CCDC148: variants seen among roughly 807,000 people sequenced by gnomAD.
The protein encoded by CCDC148 is coiled-coil domain-containing protein 148.
CCDC148 carries 89 observed loss-of-function variants against 85.7 expected under a neutral mutation model. That is an observed-to-expected ratio of 1.04 (90% CI 0.87 to 1.24). The LOEUF is 1.24. CCDC148 is among the 50% of genes most tolerant of loss of function. CCDC148 has a pLI of 0.00. For missense variants in CCDC148, 692 were observed against 671.7 expected, an observed-to-expected ratio of 1.03 and a Z score of -0.33; for synonymous variants, 230 against 213.9, an observed-to-expected ratio of 1.08 and a Z score of -0.66.
chr2:158,283,095 G>C (rs1690417862), intron 9 of CCDC148, among the ~76,000 whole-genome samples: 1 of 152,126 alleles, frequency 6.6e-6, no homozygotes, highest in Non-Finnish European at 1.5e-5. Context: ...GCTGAAACCG[G>C]ATCCCTTCCT....
At chr2:158,271,410 A>T (rs1427302174) in intron 9 of CCDC148, among the ~76,000 whole-genome samples, 1 of 152,182 alleles carries the variant, frequency 6.6e-6, no homozygotes, top group Non-Finnish European at 1.5e-5. Flanking sequence ...TGCTGTTCTG[A>T]GTAGTGCGAT....
At chr2:158,278,256 G>C (rs1172384462) in intron 9 of CCDC148, among the ~76,000 whole-genome samples, 2 of 152,086 alleles carry the variant, frequency 1.3e-5, no homozygotes, top group Non-Finnish European at 2.9e-5. Context: ...TCTCACTAGG[G>C]AGTGCCAGAC....
intron 7 of CCDC148, among the ~76,000 whole-genome samples, chr2:158,323,642 T>C (rs1277675387): frequency 6.6e-6 from 1 of 152,142 alleles, no homozygotes; most frequent in Non-Finnish European, 1.5e-5. Flanking sequence ...AGAGATGTAA[T>C]CTTGCCCAAC....
chr2:158,335,199 G>A (rs1682306354), intron 7 of CCDC148, among the ~76,000 whole-genome samples: 1 of 152,144 alleles, frequency 6.6e-6, no homozygotes. Flanking sequence ...ACTGCCAGCA[G>A]TAACGTCAGC....
intron 7 of CCDC148, among the ~76,000 whole-genome samples, chr2:158,327,220 C>A (rs548364802): frequency 8.9e-4 from 136 of 152,202 alleles, no homozygotes; most frequent in African/African-American, 3.3e-3. Flanking sequence ...GGAAGTCCTG[C>A]TGATCTGCTC....
intron 7 of CCDC148, among the ~76,000 whole-genome samples, chr2:158,323,919 CTTT>C (rs777356867): frequency 0.016 from 1,300 of 82,818 alleles, 3 homozygotes; most frequent in African/African-American, 0.02. Context: ...CTGGGAATAA[CTTT>C]TTTTTTTTTT....
At chr2:158,285,410 G>A (rs1245715513) in intron 9 of CCDC148, among the ~76,000 whole-genome samples, 1 of 151,508 alleles carries the variant, frequency 6.6e-6, no homozygotes, top group Non-Finnish European at 1.5e-5. Context: ...ATATGAAATA[G>A]GAAATAGAAA....
At chr2:158,346,337 T>C (rs2105250264) in intron 2 of CCDC148, among the ~76,000 whole-genome samples, 1 of 152,342 alleles carries the variant, frequency 6.6e-6, no homozygotes, top group African/African-American at 2.4e-5. Context: ...ATTTGCATTG[T>C]GTCCATTGCC....
chr2:158,317,310 AT>A (rs1692326590), intron 7 of CCDC148, among the ~76,000 whole-genome samples: 1 of 152,200 alleles, frequency 6.6e-6, no homozygotes, highest in Admixed American at 6.5e-5. Context: ...GTTCATCTTT[AT>A]CGTAGCCTGC....
chr2:158,216,386 C>CCT (rs1349261377), intron 11 of CCDC148, among the ~76,000 whole-genome samples: 88 of 59,436 alleles, frequency 1.5e-3, no homozygotes, highest in South Asian at 2.3e-3. Flanking sequence ...AAGCACAATA[C>CCT]TTTTTTTTTT....
chr2:158,423,655 G>T (rs1686920630), intron 1 of CCDC148, among the ~76,000 whole-genome samples: 1 of 152,036 alleles, frequency 6.6e-6, no homozygotes, highest in Non-Finnish European at 1.5e-5. Flanking sequence ...CATAGGCATG[G>T]GCAAAGACTT....
At chr2:158,278,679 G>A (rs1197874216) in intron 9 of CCDC148, among the ~76,000 whole-genome samples, 1 of 152,276 alleles carries the variant, frequency 6.6e-6, no homozygotes, top group Non-Finnish European at 1.5e-5. Context: ...TGCCTCTGTA[G>A]GCTCCGCCTC....
At chr2:158,286,384 T>C (rs1196392204) in intron 9 of CCDC148, among the ~76,000 whole-genome samples, 3 of 152,218 alleles carry the variant, frequency 2.0e-5, no homozygotes, top group African/African-American at 7.2e-5. Flanking sequence ...AAGACCTCAG[T>C]AAGTGAAAAT....
intron 1 of CCDC148, among the ~76,000 whole-genome samples, chr2:158,438,207 T>C (rs1347941100): frequency 6.6e-6 from 1 of 151,990 alleles, no homozygotes. Flanking sequence ...AGGCATCATG[T>C]TACCTGACTT....
At chr2:158,203,127 G>T (rs1377548035) in intron 11 of CCDC148, among the ~76,000 whole-genome samples, 1 of 152,180 alleles carries the variant, frequency 6.6e-6, no homozygotes, top group African/African-American at 2.4e-5. Context: ...TGGTCTGTTA[G>T]TCCAGCATCT....
intron 11 of CCDC148, among the ~76,000 whole-genome samples, chr2:158,201,894 T>C (rs1249854441): frequency 1.3e-5 from 2 of 152,230 alleles, no homozygotes; most frequent in East Asian, 3.8e-4. Context: ...CGTGGTTAAG[T>C]ACGTAATTGT....
intron 9 of CCDC148, among the ~76,000 whole-genome samples, chr2:158,274,335 A>G (rs1419424466): frequency 1.3e-5 from 2 of 151,118 alleles, no homozygotes; most frequent in Admixed American, 6.7e-5. Context: ...GAATTTTTCC[A>G]TTTTAGAAAA....
chr2:158,452,340 T>C (rs796833068), intron 1 of CCDC148, among the ~76,000 whole-genome samples: 3 of 152,222 alleles, frequency 2.0e-5, no homozygotes, highest in South Asian at 4.1e-4. Context: ...AGGTGTGTTA[T>C]ATGCATAAGC....
chr2:158,323,976 T>G (rs1253805387), intron 7 of CCDC148, among the ~76,000 whole-genome samples: 1 of 138,178 alleles, frequency 7.2e-6, no homozygotes, highest in East Asian at 2.2e-4. Flanking sequence ...TTGCCCAGAC[T>G]GGAGTGCCGT....
Sources: allele counts gnomAD v4.1 joint callset (sites outside exome capture counted in the v4.1 genomes callset), GRCh38; gene constraint gnomAD v4.1.1; transcripts MANE v1.5; gene names NCBI Gene and HGNC (gene_info 2026-07-23, HGNC 2026-07-21).